Variants in ATP2B2 observed in about 807,000 individuals in gnomAD.
ATP2B2 encodes the protein plasma membrane calcium-transporting ATPase 2.
A neutral mutation model predicts 120.0 loss-of-function variants in ATP2B2; 15 were observed. That is an observed-to-expected ratio of 0.12 (90% CI 0.08 to 0.19). ATP2B2 has a LOEUF of 0.19. Ranked by LOEUF, ATP2B2 falls within the 10% of genes least tolerant of loss-of-function variation. The pLI is 1.00. For missense variants in ATP2B2, 1,045 were observed against 1,719.8 expected (o/e 0.61, Z 6.94); for synonymous variants, 694 against 700.3 (o/e 0.99, Z 0.14).
chr3:10,447,908 G>A lies in ATP2B2; in HGVS notation c.199+1437C>T, dbSNP rs183005684. Among the ~76,000 whole-genome samples, 273 of 152,362 alleles carry A rather than the reference G, an allele frequency of 1.8e-3. 3 individuals carry two copies. The highest frequency in any genetic ancestry group is 5.8e-3 in the African/African-American group (243 of 41,594). On this transcript the variant is annotated intron_variant, in intron 2 of 22. Transcript: ENST00000360273. ...TCTAAACTTCTGCCTGGGCTCAGGC[G>A]ATGGGCAAAATGTCAGTGAGAACAG... is the stretch of plus-strand genomic sequence containing the variant.
chr3:10,329,128 G>A lies in ATP2B2; in HGVS notation c.3421-3C>T, dbSNP rs1295417383. 6 of 1,598,798 alleles carry A rather than the reference G, an allele frequency of 3.8e-6. No homozygotes were observed. In the East Asian group the frequency reaches 9.1e-5, roughly 24 times the overall value. ...CGGAACGCCTTCACGACGCGGATCT[G>A]CAAGGGAAGCACAGGGGTCAGGAGC... On this transcript the variant is annotated splice_region_variant and splice_polypyrimidine_tract_variant and intron_variant, in intron 22 of 22. Coordinates refer to ENST00000360273, the MANE Select transcript of ATP2B2 (RefSeq NM_001001331.4). The surrounding 1 kb of genome is among the most constrained non-coding windows in gnomAD (Gnocchi z 5.9).
intron 2 of ATP2B2, among the ~76,000 whole-genome samples, chr3:10,596,374 GT>G (rs1460454634): frequency 6.6e-6 from 1 of 152,264 alleles, no homozygotes; most frequent in Non-Finnish European, 1.5e-5. Flanking sequence ...ATCATGTGCA[GT>G]GTAGACACTT....
intron 3 of ATP2B2, among the ~76,000 whole-genome samples, chr3:10,525,646 C>T (rs1157162043): frequency 1.3e-5 from 2 of 152,198 alleles, no homozygotes; most frequent in East Asian, 3.9e-4. Context: ...TTCCTCTCGG[C>T]TGGGACAGTT....
intron 11 of ATP2B2, among the ~76,000 whole-genome samples, chr3:10,374,616 C>T (rs1485877013): frequency 1.3e-5 from 2 of 152,174 alleles, no homozygotes; most frequent in Admixed American, 6.5e-5. Flanking sequence ...GTGGAGAAAA[C>T]ATGGGGCAAA....
intron 10 of ATP2B2, 60 bp downstream of exon 10, chr3:10,378,192 G>T: frequency 6.3e-7 from 1 of 1,581,072 alleles, no homozygotes; most frequent in Non-Finnish European, 8.6e-7. Context: ...GCATGGGGCA[G>T]GGCTCTGCCT....
intron 1 of ATP2B2, among the ~76,000 whole-genome samples, chr3:10,693,680 T>C (rs112576308): frequency 3.3e-4 from 51 of 152,368 alleles, no homozygotes; most frequent in African/African-American, 1.1e-3. Context: ...GTTTCTGTTA[T>C]GTGGAATCAG....
chr3:10,600,026 G>A (rs1484115252), intron 2 of ATP2B2, among the ~76,000 whole-genome samples: 2 of 151,872 alleles, frequency 1.3e-5, no homozygotes, highest in African/African-American at 4.8e-5. Flanking sequence ...CATCTGTACC[G>A]CCTTGCTGAA....
rs747822089 is a variant in ATP2B2 at position 10,402,290 on chromosome 3, G to A, written c.456C>T (p.Ile152=). Residue 152 remains isoleucine, a synonymous_variant, in exon 4 of 23, where the codon ATC becomes ATT. Coordinates refer to ENST00000360273, the MANE Select transcript of ATP2B2 (RefSeq NM_001001331.4). The surrounding 1 kb of genome is among the most constrained non-coding windows in gnomAD (Gnocchi z 4.9). ...EDEGEAEAGW[I]EGAAILLSVI... ...CTGAGAGGAGAATGGCGGCCCCCTC[G>A]ATCCAACCTGCCTCTGCCTCTCCTT... The A allele has an allele frequency of 6.2e-6, 10 of 1,613,806 alleles. No individual in the cohort carries two copies. The highest frequency in any genetic ancestry group is 8.5e-6 in the Non-Finnish European group (10 of 1,180,008).
rs182973263 is a variant in ATP2B2 at position 10,355,022 on chromosome 3, G to T, written c.2136+3669C>A. ...AGGTCGCCCCTAAAATCTGGGGATA[G>T]TGGTTACCTCTGAGGTGGGAACCAG... On this transcript the variant is annotated intron_variant, in intron 14 of 22. Coordinates refer to ENST00000360273, the MANE Select transcript of ATP2B2 (RefSeq NM_001001331.4). 8.5e-5 allele frequency among the ~76,000 whole-genome samples: 13 copies of T among 152,312 alleles called. No individual in the cohort carries two copies. The East Asian group carries it at 2.3e-3, about 27-fold the overall frequency.
chr3:10,481,711 G>A (rs1385260467), intron 1 of ATP2B2, among the ~76,000 whole-genome samples: 1 of 151,964 alleles, frequency 6.6e-6, no homozygotes, highest in African/African-American at 2.4e-5. Context: ...CCGCCACCAC[G>A]CCCAGCTAAT....
At chr3:10,427,556 T>C (rs2063183456) in intron 2 of ATP2B2, among the ~76,000 whole-genome samples, 1 of 152,240 alleles carries the variant, frequency 6.6e-6, no homozygotes, top group Non-Finnish European at 1.5e-5. Flanking sequence ...CCCTTCCTTT[T>C]CTTTTTCATT....
At chr3:10,461,411 G>C (rs1430880564) in intron 1 of ATP2B2, among the ~76,000 whole-genome samples, 1 of 152,244 alleles carries the variant, frequency 6.6e-6, no homozygotes, top group East Asian at 1.9e-4. Context: ...CAGGAAGCCA[G>C]AGGAGCAGCT....
chr3:10,380,446 C>T (rs1028273212), intron 8 of ATP2B2, among the ~76,000 whole-genome samples: 7 of 152,222 alleles, frequency 4.6e-5, no homozygotes, highest in Admixed American at 3.3e-4. Flanking sequence ...CCACCATGTG[C>T]TGGGCACACA....
chr3:10,683,576 A>G (rs907640669), intron 1 of ATP2B2, among the ~76,000 whole-genome samples: 3 of 151,738 alleles, frequency 2.0e-5, no homozygotes, highest in African/African-American at 7.3e-5. Flanking sequence ...GCTAGCAATG[A>G]AACTATCACT....
At chr3:10,682,590 G>T (rs2071409321) in intron 1 of ATP2B2, among the ~76,000 whole-genome samples, 1 of 152,188 alleles carries the variant, frequency 6.6e-6, no homozygotes, top group East Asian at 1.9e-4. Flanking sequence ...CTATTAAGAG[G>T]ACAGACCTGG....
intron 1 of ATP2B2, among the ~76,000 whole-genome samples, chr3:10,668,738 C>T (rs2071014437): frequency 6.6e-6 from 1 of 152,204 alleles, no homozygotes; most frequent in South Asian, 2.1e-4. Context: ...ATCTAACAAC[C>T]TCCTGCATTC....
chr3:10,578,119 T>G (rs963562959), intron 2 of ATP2B2, among the ~76,000 whole-genome samples: 8 of 152,120 alleles, frequency 5.3e-5, no homozygotes, highest in Admixed American at 2.6e-4. Flanking sequence ...ATGGGTATGA[T>G]CACACACCTA....
chr3:10,630,232 G>A (rs1279774953), intron 1 of ATP2B2, among the ~76,000 whole-genome samples: 2 of 151,994 alleles, frequency 1.3e-5, no homozygotes, highest in African/African-American at 2.4e-5. Flanking sequence ...TTGTGCCATG[G>A]GGGTTTGTTG....
At position 10,476,643 on chromosome 3, in the gene ATP2B2, G is replaced by A. The variant is rs2065213480; in HGVS notation, c.-319-26781C>T. Among the ~76,000 whole-genome samples, 7 of 152,260 alleles carry A rather than the reference G, an allele frequency of 4.6e-5. No homozygotes were observed. In the South Asian group the frequency reaches 6.2e-4, roughly 13 times the overall value. On this transcript the variant is annotated intron_variant, in intron 1 of 22. Transcript: ENST00000360273. ...TAACTCCCCTCCATGCCAGCTTGGCGGGAGGGAGAAAGGATGTGGATGGTG... is the reference window on the plus strand; with the variant it reads ...TAACTCCCCTCCATGCCAGCTTGGCAGGAGGGAGAAAGGATGTGGATGGTG...
Sources: allele counts gnomAD v4.1 joint callset (sites outside exome capture counted in the v4.1 genomes callset), GRCh38; gene constraint gnomAD v4.1.1; non-coding constraint Gnocchi (gnomAD v3.1); transcripts MANE v1.5; gene names NCBI Gene and HGNC (gene_info 2026-07-23, HGNC 2026-07-21).